Variants in CTDP1 observed in about 807,000 individuals in gnomAD.
CTDP1 encodes the protein RNA polymerase II subunit A C-terminal domain phosphatase.
Under a neutral mutation model 91.8 loss-of-function variants are expected in CTDP1, and 47 were observed. The observed-to-expected ratio is 0.51, with a 90% confidence interval of 0.41 to 0.65. The LOEUF (loss-of-function observed/expected upper bound fraction) is 0.65. Among genes scored for constraint, CTDP1 ranks in the 30% least tolerant of loss-of-function variants. The pLI is 0.00. For missense variants in CTDP1, 1,272 were observed against 1,373.7 expected, an observed-to-expected ratio of 0.93 and a Z score of 1.17; for synonymous variants, 656 against 598.5, an observed-to-expected ratio of 1.10 and a Z score of -1.40.
Position 79,741,133 on chromosome 18 carries a change from C to T in CTDP1, c.2747+4612C>T, listed in dbSNP as rs377651085. Among the ~76,000 whole-genome samples, 612 of 137,416 alleles carry T rather than the reference C, an allele frequency of 4.5e-3. 4 individuals carry two copies. Among genetic ancestry groups the T allele is most frequent in the African/African-American group, 0.016 (558 of 35,352 alleles). The allele number at this position is 137,416 out of a possible 152,430, so 90.2% of individuals were successfully genotyped here. On this transcript the variant is annotated intron_variant, in intron 12 of 12. Coordinates refer to ENST00000613122, the MANE Select transcript of CTDP1 (RefSeq NM_004715.5). ...TGTGGTTGATCTGTCCCTGAGTCCC[C>T]GAGGTCCCCTTGCGGTTGATCTGTC...
intron 10 of CTDP1, among the ~76,000 whole-genome samples, chr18:79,723,586 T>G (rs1401706445): frequency 6.6e-6 from 1 of 152,178 alleles, no homozygotes; most frequent in African/African-American, 2.4e-5. Flanking sequence ...GTTTTTTGGT[T>G]AGACTTTTTG....
intron 2 of CTDP1, among the ~76,000 whole-genome samples, 174 bp from the exon 3 acceptor site, chr18:79,695,803 C>T (rs959977792): frequency 7.2e-5 from 11 of 152,182 alleles, no homozygotes; most frequent in Admixed American, 4.6e-4. Context: ...GTGTTTCCAC[C>T]AGTTTTCCTG....
chr18:79,715,549 C>T (rs1341271361), intron 8 of CTDP1, 21 bp downstream of exon 8: 1 of 1,538,502 alleles, frequency 6.5e-7, no homozygotes, highest in Non-Finnish European at 8.7e-7. Context: ...CCTCCCTGTG[C>T]CCTGGGCATG....
In CTDP1 at chr18:79,697,453, C is replaced by T. The variant is rs151230274; in HGVS notation, c.493-407C>T. On this transcript the variant is annotated intron_variant, in intron 3 of 12. Coordinates refer to ENST00000613122, the MANE Select transcript of CTDP1 (RefSeq NM_004715.5). ...GGCTGAGCGTGGAAGGTTCTGAGCG[C>T]GGGAGATTCTGAGCGCATTGCCCTT... Among the ~76,000 whole-genome samples the T allele has an allele frequency of 4.0e-3, 614 of 152,324 alleles. 8 individuals are homozygous for T. The highest frequency in any genetic ancestry group is 0.014 in the African/African-American group (564 of 41,566).
chr18:79,719,930 A>G (rs1347849180), intron 10 of CTDP1, among the ~76,000 whole-genome samples: 1 of 134,524 alleles, frequency 7.4e-6, no homozygotes, highest in East Asian at 2.4e-4. Flanking sequence ...TGATGATGTC[A>G]CCTCCCATCA....
chr18:79,680,118 C>T lies in CTDP1; in HGVS notation c.171C>T (p.Ser57=), dbSNP rs756131680. 1.4e-6 allele frequency: 2 copies of T among 1,423,816 alleles called. No individual in the cohort carries two copies. Among genetic ancestry groups the T allele is most frequent in the South Asian group, 1.4e-5 (1 of 71,290 alleles). 88.2% of individuals were successfully genotyped at this position (1,423,816 alleles called of 1,614,324 possible). The part of the protein sequence containing the change: ...SVLAVFEAAA[S]AQSSGASQSR... ...TGGCCGTGTTCGAGGCCGCCGCCTC[C>T]GCGCAGTCCTCCGGGGCCTCTCAGT... Residue 57 remains serine (S), a synonymous_variant, in exon 1 of 13, where the codon TCC becomes TCT. Transcript: ENST00000613122.
At chr18:79,746,471 C>T (rs1294861812) in intron 12 of CTDP1, among the ~76,000 whole-genome samples, 4 of 152,258 alleles carry the variant, frequency 2.6e-5, no homozygotes, top group Non-Finnish European at 5.9e-5. Context: ...TTCGTTCTCC[C>T]TTCACATAGC....
rs1166343530 is a variant in CTDP1 at position 79,728,256 on chromosome 18, C to T, written c.2418-651C>T. On this transcript the variant is annotated intron_variant, in intron 10 of 12. Transcript: ENST00000613122. ...CTGGGATTACAGGCGTGCACCACCA[C>T]ACCGGGCTAATTTTTGTATTTTTAG... Among the ~76,000 whole-genome samples the T allele has an allele frequency of 6.6e-5, 10 of 152,210 alleles. No individual in the cohort carries two copies. The South Asian group carries it at 1.2e-3, about 19-fold the overall frequency.
At chr18:79,736,128 C>T in intron 11 of CTDP1, 1 of 602,054 alleles carries the variant, frequency 1.7e-6, no homozygotes. Flanking sequence ...CCAATCTTTG[C>T]CTGCGAACCG....
rs1383080245 is a variant in CTDP1, at chr18:79,754,274, G to A, written c.*484G>A. 5.9e-5 allele frequency: 12 copies of A among 202,568 alleles called. No individual in the cohort carries two copies. The highest frequency in any genetic ancestry group is 4.9e-4 in the South Asian group (6 of 12,136). The allele number at this position is 202,568 out of a possible 1,614,324, so 12.5% of individuals were successfully genotyped here. A position where few individuals can be genotyped will look rare whatever the true frequency, so the allele number is the denominator to read the frequency against. ...CCTAGGGAACCCATTTCCGGGGAAC[G>A]CCGTGACTGTCGGGCAGCCTGGAGC... On this transcript the variant is annotated 3_prime_UTR_variant, in exon 13 of 13. Coordinates refer to ENST00000613122, the MANE Select transcript of CTDP1 (RefSeq NM_004715.5).
chr18:79,721,270 AT>A (rs2086339868), intron 10 of CTDP1, among the ~76,000 whole-genome samples: 1 of 152,092 alleles, frequency 6.6e-6, no homozygotes, highest in Non-Finnish European at 1.5e-5. Context: ...ATTTGACTTA[AT>A]TAATTCCAAC....
chr18:79,742,453 CCAGA>C (rs1490394369), intron 12 of CTDP1, among the ~76,000 whole-genome samples: 2 of 152,174 alleles, frequency 1.3e-5, no homozygotes, highest in Admixed American at 6.5e-5. Context: ...CAGGGTTTTC[CCAGA>C]CAAAGTGGGA....
chr18:79,751,908 C>T (rs1218931302), intron 12 of CTDP1, among the ~76,000 whole-genome samples: 7 of 152,218 alleles, frequency 4.6e-5, no homozygotes, highest in African/African-American at 1.2e-4. Context: ...CTCTCAGTGA[C>T]TTTTCGGGAT....
chr18:79,681,950 G>A (rs2085378849), intron 1 of CTDP1, among the ~76,000 whole-genome samples: 1 of 152,188 alleles, frequency 6.6e-6, no homozygotes, highest in African/African-American at 2.4e-5. Context: ...GGTGGTGGTG[G>A]TGTGACGTCA....
At chr18:79,742,112 G>GCGTCCA (rs2086790261) in intron 12 of CTDP1, among the ~76,000 whole-genome samples, 1 of 10,058 alleles carries the variant, frequency 9.9e-5, no homozygotes, top group African/African-American at 1.7e-4. Context: ...GAGGCATGAG[G>GCGTCCA]TGGAGGCCTG....
upstream of CTDP1, chr18:79,679,774 C>T (rs2085314082): frequency 1.7e-6 from 1 of 584,888 alleles, no homozygotes; most frequent in Non-Finnish European, 2.9e-6. Flanking sequence ...GTACGCGGCG[C>T]CCTTGCGTGA....
chr18:79,715,235 ACCTGGAGGAGAT>A lies in CTDP1; in HGVS notation c.1781_1792del (p.Glu594_Leu597del). On this transcript the variant is annotated inframe_deletion, in exon 8 of 13. Coordinates refer to ENST00000613122, the MANE Select transcript of CTDP1 (RefSeq NM_004715.5). ...ACGGATGAGGATGACCACCTCATCTACCTGGAGGAGATCCTGGTCCGTGTACACACTGACTAC... is the reference window on the plus strand; with the variant it reads ...ACGGATGAGGATGACCACCTCATCTACCTGGTCCGTGTACACACTGACTAC... 6.2e-7 allele frequency: 1 copy of A among 1,610,806 alleles called. No individual in the cohort carries two copies. Among genetic ancestry groups the A allele is most frequent in the Non-Finnish European group, 8.5e-7 (1 of 1,178,664 alleles).
chr18:79,743,187 A>G (rs1009027721), intron 12 of CTDP1, among the ~76,000 whole-genome samples: 2 of 152,166 alleles, frequency 1.3e-5, no homozygotes, highest in African/African-American at 4.8e-5. Context: ...AAATAATTAC[A>G]ACGATGCATT....
intron 12 of CTDP1, among the ~76,000 whole-genome samples, chr18:79,748,882 G>A (rs939871208): frequency 2.1e-4 from 16 of 76,566 alleles, no homozygotes; most frequent in African/African-American, 3.7e-4. Context: ...TGTGTTTGCC[G>A]TGTCTGTGTG....
Sources: allele counts gnomAD v4.1 joint callset (sites outside exome capture counted in the v4.1 genomes callset), GRCh38; gene constraint gnomAD v4.1.1; transcripts MANE v1.5; gene names NCBI Gene and HGNC (gene_info 2026-07-23, HGNC 2026-07-21).